Variants in TRPS1 observed in about 807,000 individuals in gnomAD.
The protein encoded by TRPS1 is zinc finger transcription factor Trps1.
In TRPS1, 6 loss-of-function variants were observed where a neutral mutation model predicts 101.2. The ratio of observed to expected loss-of-function variants is 0.06; its 90% CI spans 0.03 to 0.12. The LOEUF (loss-of-function observed/expected upper bound fraction) is 0.12, where lower values mean the gene tolerates loss of function less well. Among genes scored for constraint, TRPS1 ranks in the 10% least tolerant of loss-of-function variants. TRPS1 has a pLI of 1.00. For missense variants in TRPS1, 1,363 were observed against 1,567.0 expected (o/e 0.87, Z 2.20); for synonymous variants, 578 against 589.8 (o/e 0.98, Z 0.29).
chr8:115,510,671 A>G (rs1468299645), intron 5 of TRPS1, among the ~76,000 whole-genome samples: 1 of 151,962 alleles, frequency 6.6e-6, no homozygotes, highest in East Asian at 1.9e-4. Flanking sequence ...TGTATTTCAC[A>G]TCCTGAAAAT....
At chr8:115,460,058 C>T (rs1349837503) in intron 5 of TRPS1, among the ~76,000 whole-genome samples, 3 of 152,246 alleles carry the variant, frequency 2.0e-5, no homozygotes, top group East Asian at 3.9e-4. Context: ...TTCAGGCTTA[C>T]TATTAAGTTA....
At chr8:115,605,054 G>A (rs750145230) in intron 3 of TRPS1, 52 bp from the exon 4 acceptor site, 2 of 1,574,164 alleles carry the variant, frequency 1.3e-6, no homozygotes, top group South Asian at 2.2e-5. Context: ...TAATTCAATG[G>A]GCCCTCTGCA....
intron 4 of TRPS1, among the ~76,000 whole-genome samples, chr8:115,594,342 A>G (rs553807030): frequency 6.6e-6 from 1 of 152,146 alleles, no homozygotes; most frequent in Non-Finnish European, 1.5e-5. Context: ...TCTCATTAGC[A>G]TAAGCACAAG....
intron 1 of TRPS1, among the ~76,000 whole-genome samples, chr8:115,667,534 C>T (rs542939093): frequency 3.2e-4 from 48 of 152,326 alleles, no homozygotes; most frequent in Non-Finnish European, 5.9e-4. Context: ...TGTCCCCTGA[C>T]CCGCGCGACA....
intron 1 of TRPS1, among the ~76,000 whole-genome samples, chr8:115,637,578 C>T (rs1381107704): frequency 1.3e-5 from 2 of 152,112 alleles, no homozygotes; most frequent in Non-Finnish European, 2.9e-5. Flanking sequence ...GTGCTATGAT[C>T]ATCTTTATAT....
intron 3 of TRPS1, among the ~76,000 whole-genome samples, chr8:115,616,793 A>G (rs1052139376): frequency 1.1e-4 from 17 of 152,192 alleles, no homozygotes; most frequent in African/African-American, 4.1e-4. Flanking sequence ...AAGAAATTCT[A>G]TAGTCAGCAT....
chr8:115,581,594 A>G (rs1817454553), intron 5 of TRPS1, among the ~76,000 whole-genome samples: 1 of 152,182 alleles, frequency 6.6e-6, no homozygotes, highest in Non-Finnish European at 1.5e-5. Context: ...TAGAAAAGAA[A>G]TTAGATTGCT....
At chr8:115,498,869 T>C (rs894604911) in intron 5 of TRPS1, among the ~76,000 whole-genome samples, 1 of 152,124 alleles carries the variant, frequency 6.6e-6, no homozygotes, top group African/African-American at 2.4e-5. Flanking sequence ...TGTAATAATG[T>C]AACCTGTTTC....
Position 115,604,485 on chromosome 8 carries a change from T to A in TRPS1, c.1484A>T (p.Asn495Ile), listed in dbSNP as rs1294909972. 4 of 1,614,136 alleles carry A rather than the reference T, an allele frequency of 2.5e-6. No individual in the cohort carries two copies. The highest frequency in any genetic ancestry group is 3.4e-6 in the Non-Finnish European group (4 of 1,180,002). Residue 495 changes from asparagine to isoleucine, a missense_variant, in exon 4 of 7, where the codon AAT becomes ATT. Asn to Ile is a moderately radical substitution (Grantham distance 149). Transcript: ENST00000395715. The surrounding 1 kb of genome is among the most constrained non-coding windows in gnomAD (Gnocchi z 4.1). ...NDKLSRGSVINQNDLAKSSEG... is the reference protein window; with the variant it reads ...NDKLSRGSVIIQNDLAKSSEG... The stretch of plus-strand genomic sequence containing the variant: ...TGAACTTTTGGCTAGATCATTCTGA[T>A]TAATGACAGAGCCCCTGGAAAGCTT...
At chr8:115,416,202 C>T (rs16887447) in intron 6 of TRPS1, among the ~76,000 whole-genome samples, 13,495 of 151,750 alleles carry the variant, frequency 0.089, 1,992 homozygotes, top group African/African-American at 0.3. Context: ...TTAGCTTAAA[C>T]GTTACATGAT....
At chr8:115,474,483 T>C (rs894884749) in intron 5 of TRPS1, among the ~76,000 whole-genome samples, 1 of 152,110 alleles carries the variant, frequency 6.6e-6, no homozygotes, top group Admixed American at 6.6e-5. Flanking sequence ...AATGATACTA[T>C]TATAGAACTG....
chr8:115,440,946 T>C (rs972392655), intron 5 of TRPS1, among the ~76,000 whole-genome samples: 4 of 152,188 alleles, frequency 2.6e-5, no homozygotes, highest in African/African-American at 9.7e-5. Flanking sequence ...TTAGTCTCAC[T>C]CCTGCTGACA....
intron 5 of TRPS1, among the ~76,000 whole-genome samples, chr8:115,558,027 A>C (rs913150594): frequency 2.6e-5 from 4 of 152,086 alleles, no homozygotes; most frequent in Non-Finnish European, 5.9e-5. Flanking sequence ...CTAAGCTTAG[A>C]ATCCAAGTAA....
intron 1 of TRPS1, among the ~76,000 whole-genome samples, chr8:115,641,865 A>T (rs543582837): frequency 6.6e-6 from 1 of 151,742 alleles, no homozygotes; most frequent in African/African-American, 2.4e-5. Context: ...GAGTGACAGA[A>T]TGAGTCTCCG....
intron 3 of TRPS1, among the ~76,000 whole-genome samples, chr8:115,606,251 G>A (rs1818035768): frequency 6.6e-6 from 1 of 152,084 alleles, no homozygotes; most frequent in African/African-American, 2.4e-5. Context: ...TACCTCTATT[G>A]TACAGGACTA....
chr8:115,509,277 CT>C (rs1171390732), intron 5 of TRPS1, among the ~76,000 whole-genome samples: 16 of 152,020 alleles, frequency 1.1e-4, no homozygotes, highest in African/African-American at 3.9e-4. Flanking sequence ...GGGAATCACA[CT>C]AGGCTTCTAT....
intron 1 of TRPS1, among the ~76,000 whole-genome samples, chr8:115,629,681 T>C (rs1239073358): frequency 6.6e-6 from 1 of 151,906 alleles, no homozygotes; most frequent in Non-Finnish European, 1.5e-5. Context: ...TTTAATTAAA[T>C]ATGGAATGTG....
rs570002486 is a variant in TRPS1 at position 115,504,376 on chromosome 8, T to C, written c.2700+82625A>G. ...TGCAAATCAATTATAGAATGATACA[T>C]GGGTGGAACAAAGACCAGGAGCTGT... is the stretch of plus-strand genomic sequence containing the variant. On this transcript the variant is annotated intron_variant, in intron 5 of 6. Coordinates refer to ENST00000395715, the MANE Select transcript of TRPS1 (RefSeq NM_014112.5). 2.0e-5 allele frequency among the ~76,000 whole-genome samples: 3 copies of C among 152,268 alleles called. No individual in the cohort carries two copies. In the East Asian group the frequency reaches 5.8e-4, roughly 29 times the overall value.
intron 5 of TRPS1, among the ~76,000 whole-genome samples, chr8:115,493,340 C>A (rs1336466186): frequency 6.6e-6 from 1 of 152,032 alleles, no homozygotes; most frequent in Non-Finnish European, 1.5e-5. Context: ...CTATTCTATC[C>A]TGTTTCTATT....
Sources: gnomAD v4.1 joint callset for allele counts (sites outside exome capture counted in the v4.1 genomes callset) on GRCh38, gnomAD v4.1.1 for gene constraint, Gnocchi (gnomAD v3.1) non-coding constraint, MANE v1.5 for transcripts, NCBI Gene and HGNC (gene_info 2026-07-23, HGNC 2026-07-21) for gene names.